The following SCRIB variants were observed in gnomAD, a reference collection of about 807,000 sequenced individuals.
SCRIB encodes protein scribble homolog.
Under a neutral mutation model 170.0 loss-of-function variants are expected in SCRIB, and 72 were observed. The ratio of observed to expected loss-of-function variants is 0.42; its 90% CI spans 0.35 to 0.52. The LOEUF (loss-of-function observed/expected upper bound fraction) is 0.52. Ranked by LOEUF, SCRIB falls within the 20% of genes least tolerant of loss-of-function variation. SCRIB has a pLI of 0.02. For missense variants in SCRIB, 2,475 were observed against 2,338.5 expected (o/e 1.06, Z -1.20); for synonymous variants, 1,298 against 1,044.3 (o/e 1.24, Z -4.68).
chr8:143,804,048 T>C lies in SCRIB; in HGVS notation c.3118A>G (p.Lys1040Glu). 1.2e-6 allele frequency: 2 copies of C among 1,606,812 alleles called. No homozygotes were observed. The highest frequency in any genetic ancestry group is 1.7e-6 in the Non-Finnish European group (2 of 1,175,292). ...ACCGCCTGGATGGGCCGCCCTACCT[T>C]GGAGATGAACACACCAGGCTCCTGG... ...GVQEPGVFIS[K>E]VLPRGLAARS... is the part of the protein sequence containing the mutation. The change falls in exon 22 of 37, where the codon AAG (lysine) becomes GAG (glutamate). Residue 1040 changes from lysine to glutamate, a missense_variant and splice_region_variant. Lys to Glu is a moderately conservative substitution (Grantham distance 56, BLOSUM62 1). This residue lies in a region of SCRIB where 1,966 missense variants were observed against 1,742.9 expected (regional missense o/e 1.13). Transcript: ENST00000356994.
intron 33 of SCRIB, 34 bp downstream of exon 33, chr8:143,791,957 G>C (rs1554632825): frequency 1.3e-6 from 2 of 1,495,292 alleles, no homozygotes; most frequent in African/African-American, 2.9e-5. Flanking sequence ...CCATGCGGCA[G>C]GCTGACCCCC....
Position 143,791,432 on chromosome 8 carries a change from G to C in SCRIB, c.4779C>G (p.Asp1593Glu). 1 of 1,611,130 alleles carries C rather than the reference G, an allele frequency of 6.2e-7. No individual in the cohort carries two copies. The highest frequency in any genetic ancestry group is 8.5e-7 in the Non-Finnish European group (1 of 1,179,286). ...SRPVYDIQSP[D>E]FAEELRSLEP... ...CCAGGGACCTCAACTCCTCAGCAAA[G>C]TCCGGTGACTGTGATGGGGAGAGTG... Residue 1593 changes from aspartate to glutamate, a missense_variant, in exon 36 of 37, where the codon GAC becomes GAG. This residue lies in a region of SCRIB where 1,966 missense variants were observed against 1,742.9 expected (regional missense o/e 1.13). Transcript: ENST00000356994.
intron 24 of SCRIB, 29 bp downstream of exon 24, chr8:143,803,354 G>A: frequency 6.6e-7 from 1 of 1,522,488 alleles, no homozygotes; most frequent in Non-Finnish European, 8.8e-7. Context: ...GCCAGAGGGA[G>A]GCCCGGTCCC....
At position 143,792,862 on chromosome 8, in the gene SCRIB, G is replaced by T. The variant is rs781996880; in HGVS notation, c.4023C>A (p.Pro1341=). ...HPPEDAPAQP[P]TPGPAASPEQ... ...CCGGGGAGGCTGCAGGCCCAGGCGT[G>T]GGGGGCTGGGGGGAGCGGACCTTGA... Residue 1341 remains proline (P), a synonymous_variant, in exon 30 of 37, where the codon CCC becomes CCA. Coordinates refer to ENST00000356994, the MANE Select transcript of SCRIB (RefSeq NM_182706.5). The T allele has an allele frequency of 1.4e-5, 21 of 1,510,130 alleles. No homozygotes were observed. The highest frequency in any genetic ancestry group is 2.1e-5 in the Admixed American group (1 of 46,820). 93.5% of individuals were successfully genotyped at this position (1,510,130 alleles called of 1,614,324 possible).
At chr8:143,810,180 G>C (rs1236205419) in intron 13 of SCRIB, among the ~76,000 whole-genome samples, 1 of 152,032 alleles carries the variant, frequency 6.6e-6, no homozygotes, top group African/African-American at 2.4e-5. Context: ...ACCCACGGCA[G>C]TTCCACCAGA....
Position 143,812,923 on chromosome 8 carries a change from C to A in SCRIB, c.681G>T (p.Val227=). The A allele has an allele frequency of 6.2e-7, 1 of 1,612,620 alleles. No homozygotes were observed. The highest frequency in any genetic ancestry group is 8.5e-7 in the Non-Finnish European group (1 of 1,179,920). ...GNLRRLVCLD[V]SENRLEELPA... ...GCAGCTCCTCCAGCCGGTTTTCCGACACGTCCAGGCACACCAGGCGCCGCA... is the reference window on the plus strand; with the variant it reads ...GCAGCTCCTCCAGCCGGTTTTCCGAAACGTCCAGGCACACCAGGCGCCGCA... The change falls in exon 8 of 37, where the codon GTG becomes GTT. Residue 227 remains valine, a synonymous_variant. Transcript: ENST00000356994.
At position 143,792,373 on chromosome 8, in the gene SCRIB, C is replaced by T; in HGVS notation, c.4361G>A (p.Gly1454Asp). 2 of 1,523,620 alleles carry T rather than the reference C, an allele frequency of 1.3e-6. No homozygotes were observed. Among genetic ancestry groups the T allele is most frequent in the South Asian group, 1.2e-5 (1 of 81,086 alleles). 94.4% of individuals were successfully genotyped at this position (1,523,620 alleles called of 1,614,324 possible). The change falls in exon 32 of 37, where the codon GGT becomes GAT. Residue 1454 changes from glycine (G) to aspartate (D), a missense_variant. By Grantham distance (94) the Gly-to-Asp change is moderately conservative. This residue lies in a region of SCRIB where 1,966 missense variants were observed against 1,742.9 expected (regional missense o/e 1.13). Coordinates refer to ENST00000356994, the MANE Select transcript of SCRIB (RefSeq NM_182706.5). Reference protein sequence around the residue: ...QSPASPPPLGGGAPVRTAKAE... With the variant: ...QSPASPPPLGDGAPVRTAKAE... Reference sequence around the variant, plus strand: ...TTTGGCCGTCCGCACCGGGGCGCCACCTCCCAGGGGTGGGGGGGACGCCGG... The same window carrying T: ...TTTGGCCGTCCGCACCGGGGCGCCATCTCCCAGGGGTGGGGGGGACGCCGG...
intron 9 of SCRIB, 89 bp from the exon 10 acceptor site, chr8:143,811,434 C>G: frequency 8.3e-7 from 1 of 1,199,918 alleles, no homozygotes; most frequent in South Asian, 1.4e-5. Context: ...CACAGACACC[C>G]CAGGCCAGCT....
At chr8:143,814,426 C>T (rs1431496066) in intron 1 of SCRIB, among the ~76,000 whole-genome samples, 1 of 152,230 alleles carries the variant, frequency 6.6e-6, no homozygotes, top group Non-Finnish European at 1.5e-5. Flanking sequence ...CACCCAGCCC[C>T]TGAACCACTT....
At chr8:143,806,619 G>A (rs1815437309) in intron 17 of SCRIB, 135 bp from the exon 18 acceptor site, 10 of 722,208 alleles carry the variant, frequency 1.4e-5, no homozygotes, top group Non-Finnish European at 2.1e-5. Context: ...CTGAGCTCTA[G>A]CCACTGTGGG....
At chr8:143,814,273 C>CA (rs1563809860) in intron 1 of SCRIB, among the ~76,000 whole-genome samples, 155 bp from the exon 2 acceptor site, 1 of 151,884 alleles carries the variant, frequency 6.6e-6, no homozygotes, top group African/African-American at 2.4e-5. Context: ...ACCCCATTTG[C>CA]AAAAAAAGGA....
intron 14 of SCRIB, 40 bp from the exon 15 acceptor site, chr8:143,809,065 G>A (rs754404632): frequency 2.0e-5 from 32 of 1,571,800 alleles, no homozygotes; most frequent in Non-Finnish European, 2.8e-5. Context: ...CAGCTCTGTG[G>A]CTGTGCTTCC....
chr8:143,815,053 G>A lies in SCRIB; in HGVS notation c.159+161C>T. ...GCTGCCACCTGCGCCAGCCAGGGCGGCTGGAAGAGAAGGGTGGGGCTGGCT... is the reference window on the plus strand; with the variant it reads ...GCTGCCACCTGCGCCAGCCAGGGCGACTGGAAGAGAAGGGTGGGGCTGGCT... On this transcript the variant is annotated intron_variant, in intron 1 of 36. Coordinates refer to ENST00000356994, the MANE Select transcript of SCRIB (RefSeq NM_182706.5). 5.0e-6 allele frequency: 4 copies of A among 804,212 alleles called. No homozygotes were observed. In the South Asian group the frequency reaches 7.2e-5, roughly 14 times the overall value. The allele number at this position is 804,212 out of a possible 1,614,324, so 49.8% of individuals were successfully genotyped here.
Position 143,792,610 on chromosome 8 carries a change from CGCTCTCTTCTGCT to C in SCRIB, c.4190_4202del (p.Gln1397ArgfsTer106). 1 of 1,593,348 alleles carries C rather than the reference CGCTCTCTTCTGCT, an allele frequency of 6.3e-7. No individual in the cohort carries two copies. Among genetic ancestry groups the C allele is most frequent in the Non-Finnish European group, 8.5e-7 (1 of 1,177,082 alleles). ...CCTCTGCCGCCTCCCGCAGCATCTG[CGCTCTCTTCTGCT>C]GTAGTTTTCTGGCTGCCGGAGGGCA... On this transcript the variant is annotated frameshift_variant, in exon 31 of 37. Transcript: ENST00000356994. LOFTEE classifies it high-confidence loss of function.
intron 29 of SCRIB, 48 bp from the exon 30 acceptor site, chr8:143,792,915 T>C (rs782372374): frequency 2.1e-5 from 31 of 1,498,686 alleles, no homozygotes; most frequent in Non-Finnish European, 1.9e-5. Context: ...TCCGAGATAC[T>C]GGGGCCCCCG....
rs782657532 is a variant in SCRIB, at chr8:143,805,440, G to A, written c.2347-5C>T. 53 of 1,484,394 alleles carry A rather than the reference G, an allele frequency of 3.6e-5. No individual in the cohort carries two copies. In the Admixed American group the frequency reaches 6.4e-4, roughly 18 times the overall value. 92.0% of individuals were successfully genotyped at this position (1,484,394 alleles called of 1,614,324 possible). On this transcript the variant is annotated splice_region_variant and splice_polypyrimidine_tract_variant and intron_variant, in intron 18 of 36. Transcript: ENST00000356994. Reference sequence around the variant, plus strand: ...CTGCAGAGCCACACCATTCACCTGCGGGCCAGGGACCACGTGCGTATTCAG... The same window carrying A: ...CTGCAGAGCCACACCATTCACCTGCAGGCCAGGGACCACGTGCGTATTCAG...
At position 143,815,190 on chromosome 8, in the gene SCRIB, C is replaced by A. The variant is rs1312385121; in HGVS notation, c.159+24G>T. On this transcript the variant is annotated intron_variant, in intron 1 of 36. Transcript: ENST00000356994. Reference sequence around the variant, plus strand: ...CACGGGCTGGGGGCGCGCCTTTGGGCGGCAGGTGCGGGCGGCCGCTCACCT... The same window carrying A: ...CACGGGCTGGGGGCGCGCCTTTGGGAGGCAGGTGCGGGCGGCCGCTCACCT... 3.9e-6 allele frequency: 6 copies of A among 1,546,026 alleles called. No individual in the cohort carries two copies. The African/African-American group carries it at 5.6e-5, about 15-fold the overall frequency.
chr8:143,805,724 C>T (rs782045601), intron 18 of SCRIB, among the ~76,000 whole-genome samples: 5 of 152,230 alleles, frequency 3.3e-5, no homozygotes, highest in Non-Finnish European at 4.4e-5. Context: ...CACATGGCCC[C>T]GCTCCTGGAT....
intron 13 of SCRIB, 96 bp downstream of exon 13, chr8:143,810,383 G>A (rs2130122180): frequency 3.3e-6 from 5 of 1,511,892 alleles, no homozygotes; most frequent in East Asian, 2.3e-5. Context: ...CCTTCTCTGT[G>A]CTGCCCTGGC....
Sources: gnomAD v4.1 joint callset for allele counts (sites outside exome capture counted in the v4.1 genomes callset) on GRCh38, gnomAD v4.1.1 for gene constraint, gnomAD v4.1.1 regional missense constraint, MANE v1.5 for transcripts, NCBI Gene and HGNC (gene_info 2026-07-23, HGNC 2026-07-21) for gene names.